The following PROB1 variants were observed in gnomAD, a reference collection of about 807,000 sequenced individuals.
PROB1 encodes the protein proline-rich basic protein 1.
For missense variants in PROB1, 1,453 were observed against 1,485.7 expected, an observed-to-expected ratio of 0.98 and a Z score of 0.36; for synonymous variants, 660 against 699.3, an observed-to-expected ratio of 0.94 and a Z score of 0.89.
At position 139,394,225 on chromosome 5, in the gene PROB1, C is replaced by G; in HGVS notation, c.857G>C (p.Arg286Pro). Reference protein sequence around the residue: ...RSEPETRETARSTHVVLEKAK... With the variant: ...RSEPETRETAPSTHVVLEKAK... ...CTTCTCCAGGACCACGTGGGTGCTGCGGGCCGTTTCCCGGGTCTCAGGTTC... is the reference window on the plus strand; with the variant it reads ...CTTCTCCAGGACCACGTGGGTGCTGGGGGCCGTTTCCCGGGTCTCAGGTTC... The change falls in exon 1 of 1, where the codon CGC becomes CCC. Residue 286 changes from arginine (R) to proline (P), a missense_variant. Arg to Pro is a moderately radical substitution (Grantham distance 103, BLOSUM62 -2). Coordinates refer to ENST00000434752, the MANE Select transcript of PROB1 (RefSeq NM_001161546.2). 6.5e-7 allele frequency: 1 copy of G among 1,548,736 alleles called. No homozygotes were observed. The highest frequency in any genetic ancestry group is 8.7e-7 in the Non-Finnish European group (1 of 1,145,486).
rs1758621095 is a variant in PROB1, at chr5:139,392,833, C to G, written c.2249G>C (p.Arg750Pro). 2 of 1,532,316 alleles carry G rather than the reference C, an allele frequency of 1.3e-6. No homozygotes were observed. Among genetic ancestry groups the G allele is most frequent in the Non-Finnish European group, 1.8e-6 (2 of 1,138,194 alleles). 94.9% of individuals were successfully genotyped at this position (1,532,316 alleles called of 1,614,324 possible). ...TCCTCCAGGGCCGCGCGCTCGCACT[C>G]GCGAGGTTACCTCGGGCCGGCGACC... Reference protein sequence around the residue: ...ALGRRPEVTSRVRARGPGGEN... With the variant: ...ALGRRPEVTSPVRARGPGGEN... The change falls in exon 1 of 1, where the codon CGA becomes CCA. Residue 750 changes from arginine to proline, a missense_variant. Transcript: ENST00000434752. This position sits in a 1 kb window ranked among gnomAD's most constrained non-coding sequence, Gnocchi z 5.8.
At position 139,393,060 on chromosome 5, in the gene PROB1, G is replaced by T. The variant is rs748223567; in HGVS notation, c.2022C>A (p.Pro674=). Residue 674 remains proline (P), a synonymous_variant, in exon 1 of 1, where the codon CCC becomes CCA. Transcript: ENST00000434752. ...AAACGGAAGTGTAGTGAGCCGGGGC[G>T]GGGGGCCCCAGTGCTGGCGGCTCTT... ...KTQEPPALGP[P]APAHYTSVFI... 2 of 1,529,954 alleles carry T rather than the reference G, an allele frequency of 1.3e-6. No individual in the cohort carries two copies. The highest frequency in any genetic ancestry group is 1.8e-6 in the Non-Finnish European group (2 of 1,137,512). 94.8% of individuals were successfully genotyped at this position (1,529,954 alleles called of 1,614,324 possible). A position where few individuals can be genotyped will look rare whatever the true frequency, so the allele number is the denominator to read the frequency against.
Position 139,391,962 on chromosome 5 carries a change from G to T in PROB1, c.*72C>A. On this transcript the variant is annotated 3_prime_UTR_variant, in exon 1 of 1. Coordinates refer to ENST00000434752, the MANE Select transcript of PROB1 (RefSeq NM_001161546.2). The surrounding 1 kb of genome is among the most constrained non-coding windows in gnomAD (Gnocchi z 4.8). ...AGACAGAGGCGACGGAAGGAGAGGA[G>T]GGTAGGGGCTTGGATGCCAGAACCT... The T allele has an allele frequency of 8.2e-7, 1 of 1,215,258 alleles. No homozygotes were observed. Among genetic ancestry groups the T allele is most frequent in the Non-Finnish European group, 1.1e-6 (1 of 937,432 alleles). 75.3% of individuals were successfully genotyped at this position (1,215,258 alleles called of 1,614,324 possible).
Position 139,394,029 on chromosome 5 carries a change from C to G in PROB1, c.1053G>C (p.Gln351His), listed in dbSNP as rs747376401. ...GCGGGAACCGAGTCTTCCGCGCCTC[C>G]TGGATCTTCTCCTCTGACTGAAGGA... is the stretch of plus-strand genomic sequence containing the variant. Reference protein sequence around the residue: ...SIFLQSEEKIQEARKTRFPRE... With the variant: ...SIFLQSEEKIHEARKTRFPRE... Residue 351 changes from glutamine (Q) to histidine (H), a missense_variant, in exon 1 of 1, where the codon CAG becomes CAC. Coordinates refer to ENST00000434752, the MANE Select transcript of PROB1 (RefSeq NM_001161546.2). The G allele has an allele frequency of 1.3e-5, 20 of 1,550,652 alleles. No individual in the cohort carries two copies. The South Asian group carries it at 2.4e-4, about 18-fold the overall frequency.
In PROB1 at chr5:139,393,261, CAA is replaced by C. The variant is rs764721292; in HGVS notation, c.1819_1820del (p.Leu607GlyfsTer92). 6.5e-7 allele frequency: 1 copy of C among 1,549,654 alleles called. No individual in the cohort carries two copies. The highest frequency in any genetic ancestry group is 2.4e-5 in the East Asian group (1 of 40,912). ...TLDADKCPEV[L>X]GPGEAASGRP... The stretch of plus-strand genomic sequence containing the variant: ...GTCCCGAGGCCGCCTCTCCAGGACC[CAA>C]GACTTCCGGGCACTTATCCGCGTCC... On this transcript the variant is annotated frameshift_variant, in exon 1 of 1. Transcript: ENST00000434752. LOFTEE classifies it low-confidence loss of function (END_TRUNC).
rs961737016 is a variant in PROB1 at position 139,393,401 on chromosome 5, C to T, written c.1681G>A (p.Glu561Lys). The T allele has an allele frequency of 5.2e-6, 8 of 1,551,574 alleles. No individual in the cohort carries two copies. The highest frequency in any genetic ancestry group is 7.0e-6 in the Non-Finnish European group (8 of 1,147,012). The change falls in exon 1 of 1, where the codon GAG (glutamate) becomes AAG (lysine). Residue 561 changes from glutamate to lysine, a missense_variant. By Grantham distance (56) the Glu-to-Lys change is moderately conservative. Coordinates refer to ENST00000434752, the MANE Select transcript of PROB1 (RefSeq NM_001161546.2). Reference sequence around the variant, plus strand: ...TCCCGCGTGGATGGACTCTGCATCTCTGTTGGTTCTGGAGTGCCGGGTGCG... The same window carrying T: ...TCCCGCGTGGATGGACTCTGCATCTTTGTTGGTTCTGGAGTGCCGGGTGCG... ...PSAPGTPEPT[E>K]MQSPSTREIS...
rs770044205 is a variant in PROB1 at position 139,393,002 on chromosome 5, G to C, written c.2080C>G (p.Pro694Ala). The change falls in exon 1 of 1, where the codon CCC (proline) becomes GCC (alanine). Residue 694 changes from proline to alanine, a missense_variant. Pro to Ala is a conservative substitution (Grantham distance 27). Transcript: ENST00000434752. Reference protein sequence around the residue: ...IKDFLPVVPHPYEPPEPSFDT... With the variant: ...IKDFLPVVPHAYEPPEPSFDT... ...AAGGACGGTTCAGGAGGCTCGTAGGGGTGCGGCACCACCGGTAGAAAATCC... is the reference window on the plus strand; with the variant it reads ...AAGGACGGTTCAGGAGGCTCGTAGGCGTGCGGCACCACCGGTAGAAAATCC... 6 of 1,518,890 alleles carry C rather than the reference G, an allele frequency of 4.0e-6. No homozygotes were observed. The highest frequency in any genetic ancestry group is 5.3e-6 in the Non-Finnish European group (6 of 1,131,656). 94.1% of individuals were successfully genotyped at this position (1,518,890 alleles called of 1,614,324 possible). A position where few individuals can be genotyped will look rare whatever the true frequency, so the allele number is the denominator to read the frequency against.
rs1231804943 is a variant in PROB1 at position 139,390,730 on chromosome 5, C to T, written c.*1304G>A. 1 of 152,288 alleles carries T rather than the reference C, an allele frequency of 6.6e-6. No homozygotes were observed. Among genetic ancestry groups the T allele is most frequent in the African/African-American group, 2.4e-5 (1 of 41,446 alleles). 9.4% of individuals were successfully genotyped at this position (152,288 alleles called of 1,614,324 possible). The stretch of plus-strand genomic sequence containing the variant: ...TAGAAAATGGCCAGTTGTTCTGATT[C>T]GTAGCTCTCCTAGTCAGCTTCCAGT... On this transcript the variant is annotated 3_prime_UTR_variant, in exon 1 of 1. Coordinates refer to ENST00000434752, the MANE Select transcript of PROB1 (RefSeq NM_001161546.2).
At position 139,393,925 on chromosome 5, in the gene PROB1, C is replaced by G; in HGVS notation, c.1157G>C (p.Arg386Thr). The change falls in exon 1 of 1, where the codon AGG becomes ACG. Residue 386 changes from arginine to threonine, a missense_variant. Transcript: ENST00000434752. ...ECRIPSEVPS[R>T]AVRPRSPSPP... The stretch of plus-strand genomic sequence containing the variant: ...GGACGGGCTCCTTGGCCTCACAGCC[C>G]TACTCGGAACCTCCGAGGGGATCCT... 6.4e-7 allele frequency: 1 copy of G among 1,551,000 alleles called. No individual in the cohort carries two copies. The highest frequency in any genetic ancestry group is 8.7e-7 in the Non-Finnish European group (1 of 1,146,992).
Position 139,392,630 on chromosome 5 carries a change from GT to G in PROB1, c.2451del (p.Lys817AsnfsTer167). ...TCGGGGGCCGTAGGTGGTGTCTTCG[GT>G]TTGGGTGCTATCCCAGGGCTCGGGC... is the stretch of plus-strand genomic sequence containing the variant. Reference protein sequence around the residue: ...QASPSPGIAPKPKTPPTAPEP... With the variant: ...QASPSPGIAPXPKTPPTAPEP... On this transcript the variant is annotated frameshift_variant, in exon 1 of 1. Transcript: ENST00000434752. LOFTEE classifies it low-confidence loss of function (END_TRUNC). This position sits in a 1 kb window ranked among gnomAD's most constrained non-coding sequence, Gnocchi z 5.8. 1 of 1,386,866 alleles carries G rather than the reference GT, an allele frequency of 7.2e-7. No individual in the cohort carries two copies. The allele number at this position is 1,386,866 out of a possible 1,614,324, so 85.9% of individuals were successfully genotyped here.
rs1415962032 is a variant in PROB1, at chr5:139,393,109, T to G, written c.1973A>C (p.Glu658Ala). ...LPAPPADPCG[E>A]EGGESKTQEP... ...TTGCGTCTTGGATTCGCCGCCCTCCTCCCCGCAGGGGTCGGCAGGAGGCGC... is the reference window on the plus strand; with the variant it reads ...TTGCGTCTTGGATTCGCCGCCCTCCGCCCCGCAGGGGTCGGCAGGAGGCGC... Residue 658 changes from glutamate (E) to alanine (A), a missense_variant, in exon 1 of 1, where the codon GAG becomes GCG. Coordinates refer to ENST00000434752, the MANE Select transcript of PROB1 (RefSeq NM_001161546.2). 6 of 1,524,380 alleles carry G rather than the reference T, an allele frequency of 3.9e-6. No individual in the cohort carries two copies. The South Asian group carries it at 7.4e-5, about 19-fold the overall frequency. The allele number at this position is 1,524,380 out of a possible 1,614,324, so 94.4% of individuals were successfully genotyped here.
Position 139,392,483 on chromosome 5 carries a change from A to C in PROB1, c.2599T>G (p.Ser867Ala). ...CCGGGCTGCCTGCGCGCTCCCTGGG[A>C]GGGGCTTTGCGGGGACCGGTCCGTG... ...PPTDRSPQSP[S>A]QGARRQPGAA... is the part of the protein sequence containing the mutation. The change falls in exon 1 of 1, where the codon TCC becomes GCC. Residue 867 changes from serine (S) to alanine (A), a missense_variant. Ser to Ala is a moderately conservative substitution (Grantham distance 99). Coordinates refer to ENST00000434752, the MANE Select transcript of PROB1 (RefSeq NM_001161546.2). This position sits in a 1 kb window ranked among gnomAD's most constrained non-coding sequence, Gnocchi z 5.8. 1 of 1,353,630 alleles carries C rather than the reference A, an allele frequency of 7.4e-7. No individual in the cohort carries two copies. The allele number at this position is 1,353,630 out of a possible 1,614,324, so 83.9% of individuals were successfully genotyped here. A position where few individuals can be genotyped will look rare whatever the true frequency, so the allele number is the denominator to read the frequency against.
chr5:139,392,041 G>T lies in PROB1; in HGVS notation c.3041C>A (p.Pro1014Gln), dbSNP rs1031073545. The change falls in exon 1 of 1, where the codon CCG becomes CAG. Residue 1014 changes from proline to glutamine, a missense_variant. Pro to Gln is a moderately conservative substitution (Grantham distance 76). Coordinates refer to ENST00000434752, the MANE Select transcript of PROB1 (RefSeq NM_001161546.2). This position sits in a 1 kb window ranked among gnomAD's most constrained non-coding sequence, Gnocchi z 5.8. ...GGGGATCGGCCCGGGGCCTCACAGCGGGAACAATGAACCCTTGCCGGGCTG... is the reference window on the plus strand; with the variant it reads ...GGGGATCGGCCCGGGGCCTCACAGCTGGAACAATGAACCCTTGCCGGGCTG... Reference protein sequence around the residue: ...PTQPGKGSLFPL With the variant: ...PTQPGKGSLFQL 7.2e-7 allele frequency: 1 copy of T among 1,396,356 alleles called. No homozygotes were observed. 86.5% of individuals were successfully genotyped at this position (1,396,356 alleles called of 1,614,324 possible).
chr5:139,392,953 G>A lies in PROB1; in HGVS notation c.2129C>T (p.Ser710Leu). ...PSFDTVARDA[S>L]QPNGVLRRRA... Reference sequence around the variant, plus strand: ...CCGCCGCAGGACCCCGTTGGGCTGTGAGGCGTCCCGGGCGACCGTGTCGAA... The same window carrying A: ...CCGCCGCAGGACCCCGTTGGGCTGTAAGGCGTCCCGGGCGACCGTGTCGAA... Residue 710 changes from serine to leucine, a missense_variant, in exon 1 of 1, where the codon TCA (serine) becomes TTA (leucine). By Grantham distance (145) the Ser-to-Leu change is moderately radical. Coordinates refer to ENST00000434752, the MANE Select transcript of PROB1 (RefSeq NM_001161546.2). The surrounding 1 kb of genome is among the most constrained non-coding windows in gnomAD (Gnocchi z 5.8). The A allele has an allele frequency of 6.6e-7, 1 of 1,510,728 alleles. No individual in the cohort carries two copies. Among genetic ancestry groups the A allele is most frequent in the Non-Finnish European group, 8.9e-7 (1 of 1,126,160 alleles). 93.6% of individuals were successfully genotyped at this position (1,510,728 alleles called of 1,614,324 possible). A position where few individuals can be genotyped will look rare whatever the true frequency, so the allele number is the denominator to read the frequency against.
Position 139,393,273 on chromosome 5 carries a change from G to C in PROB1, c.1809C>G (p.Cys603Trp). ...CCTCTCCAGGACCCAAGACTTCCGG[G>C]CACTTATCCGCGTCCAGGGTGCCCA... ...HPVGTLDADK[C>W]PEVLGPGEAA... Residue 603 changes from cysteine (C) to tryptophan (W), a missense_variant, in exon 1 of 1, where the codon TGC becomes TGG. Transcript: ENST00000434752. The C allele has an allele frequency of 1.3e-6, 2 of 1,549,826 alleles. No individual in the cohort carries two copies. The highest frequency in any genetic ancestry group is 1.7e-6 in the Non-Finnish European group (2 of 1,146,984).
At position 139,395,034 on chromosome 5, in the gene PROB1, C is replaced by T. The variant is rs991059972; in HGVS notation, c.48G>A (p.Gln16=). ...APPALPGIPR[Q]LPTAPARRQD... ...GGCGCCGCGCGGGGGCCGTGGGCAG[C>T]TGCCTCGGGATCCCAGGCAGGGCTG... The change falls in exon 1 of 1, where the codon CAG becomes CAA. Residue 16 remains glutamine (Q), a synonymous_variant. Transcript: ENST00000434752. The T allele has an allele frequency of 9.1e-6, 13 of 1,434,124 alleles. No individual in the cohort carries two copies. The highest frequency in any genetic ancestry group is 4.5e-5 in the African/African-American group (3 of 65,976). The allele number at this position is 1,434,124 out of a possible 1,614,324, so 88.8% of individuals were successfully genotyped here.
chr5:139,391,879 G>T lies in PROB1; in HGVS notation c.*155C>A. On this transcript the variant is annotated 3_prime_UTR_variant, in exon 1 of 1. Coordinates refer to ENST00000434752, the MANE Select transcript of PROB1 (RefSeq NM_001161546.2). The surrounding 1 kb of genome is among the most constrained non-coding windows in gnomAD (Gnocchi z 4.8). ...TGACTCCAGCTCCACCAGCCTCGGG[G>T]CTCAGATTCATTCTCTGAAGATCAC... is the stretch of plus-strand genomic sequence containing the variant. 1.6e-6 allele frequency: 1 copy of T among 612,922 alleles called. No homozygotes were observed. The highest frequency in any genetic ancestry group is 6.4e-5 in the South Asian group (1 of 15,666). The allele number at this position is 612,922 out of a possible 1,614,324, so 38.0% of individuals were successfully genotyped here.
chr5:139,393,500 C>T lies in PROB1; in HGVS notation c.1582G>A (p.Gly528Ser), dbSNP rs1416577784. The change falls in exon 1 of 1, where the codon GGC becomes AGC. Residue 528 changes from glycine (G) to serine (S), a missense_variant. Transcript: ENST00000434752. Reference sequence around the variant, plus strand: ...TCCTGAGTAAATGCTATCGATGAGCCCGGCCCCATGGGATCCCATGTCTCT... The same window carrying T: ...TCCTGAGTAAATGCTATCGATGAGCTCGGCCCCATGGGATCCCATGTCTCT... The part of the protein sequence containing the change: ...PQETWDPMGP[G>S]SSIAFTQEAQ... 3.9e-6 allele frequency: 6 copies of T among 1,551,454 alleles called. No individual in the cohort carries two copies. The highest frequency in any genetic ancestry group is 2.4e-5 in the South Asian group (2 of 84,070).
rs1467879220 is a variant in PROB1 at position 139,392,572 on chromosome 5, C to A, written c.2510G>T (p.Arg837Leu). Residue 837 changes from arginine to leucine, a missense_variant, in exon 1 of 1, where the codon CGG (arginine) becomes CTG (leucine). Physicochemically the swap from Arg to Leu is moderately radical, Grantham distance 102. Transcript: ENST00000434752. The surrounding 1 kb of genome is among the most constrained non-coding windows in gnomAD (Gnocchi z 5.8). Reference sequence around the variant, plus strand: ...CCTGCCCGCCAACGCCAGGGGCTCCCGCGGGAGTGGCGCCTGGACGGCAGC... The same window carrying A: ...CCTGCCCGCCAACGCCAGGGGCTCCAGCGGGAGTGGCGCCTGGACGGCAGC... ...PAAAVQAPLP[R>L]EPLALAGRTA... 4.4e-6 allele frequency: 6 copies of A among 1,354,980 alleles called. No individual in the cohort carries two copies. In the East Asian group the frequency reaches 1.8e-4, roughly 42 times the overall value. 83.9% of individuals were successfully genotyped at this position (1,354,980 alleles called of 1,614,324 possible).
Sources: allele counts gnomAD v4.1 joint callset, GRCh38; gene constraint gnomAD v4.1.1; non-coding constraint Gnocchi (gnomAD v3.1); transcripts MANE v1.5; gene names NCBI Gene and HGNC (gene_info 2026-07-23, HGNC 2026-07-21).